The following POLQ variants were observed in gnomAD, a reference collection of about 807,000 sequenced individuals.
POLQ encodes the protein epididymis secretory sperm binding protein.
A neutral mutation model predicts 259.2 loss-of-function variants in POLQ; 233 were observed. The ratio of observed to expected loss-of-function variants is 0.90; its 90% CI spans 0.81 to 1.00. The LOEUF (loss-of-function observed/expected upper bound fraction) is 1.00, where lower values mean the gene tolerates loss of function less well. Ranked by LOEUF, POLQ falls within the 50% of genes least tolerant of loss-of-function variation. The pLI is 0.00. For missense variants in POLQ, 2,871 were observed against 3,051.6 expected, an observed-to-expected ratio of 0.94 and a Z score of 1.39; for synonymous variants, 1,025 against 1,048.8, an observed-to-expected ratio of 0.98 and a Z score of 0.44.
chr3:121,435,763 A>G (rs1463111812), intron 28 of POLQ, among the ~76,000 whole-genome samples: 1 of 152,234 alleles, frequency 6.6e-6, no homozygotes, highest in African/African-American at 2.4e-5. Context: ...GCCAAACATT[A>G]AAGAGATTTA....
intron 27 of POLQ, among the ~76,000 whole-genome samples, chr3:121,438,822 C>G (rs980718542): frequency 2.0e-5 from 3 of 152,142 alleles, no homozygotes; most frequent in Non-Finnish European, 2.9e-5. Context: ...ATGGTAAAAG[C>G]CTGATAAATA....
intron 15 of POLQ, 44 bp from the exon 16 acceptor site, chr3:121,490,452 C>A: frequency 2.1e-6 from 3 of 1,461,292 alleles, no homozygotes; most frequent in Non-Finnish European, 1.9e-6. Flanking sequence ...TTCATTCATT[C>A]GTAAGGCAAG....
intron 23 of POLQ, 64 bp downstream of exon 23, chr3:121,468,241 G>A: frequency 8.1e-7 from 1 of 1,239,062 alleles, no homozygotes; most frequent in Non-Finnish European, 1.1e-6. Flanking sequence ...TGTCTAATAA[G>A]CTATTTTGAG....
At chr3:121,531,866 C>A (rs1237508210) in intron 6 of POLQ, among the ~76,000 whole-genome samples, 1 of 152,168 alleles carries the variant, frequency 6.6e-6, no homozygotes, top group Admixed American at 6.5e-5. Flanking sequence ...AGATTCCATA[C>A]CAAGTATGCA....
chr3:121,454,565 A>G (rs2108780763), intron 25 of POLQ, among the ~76,000 whole-genome samples: 1 of 152,342 alleles, frequency 6.6e-6, no homozygotes, highest in East Asian at 1.9e-4. Context: ...AAAACAAAAA[A>G]AAGCAGGGGT....
intron 14 of POLQ, chr3:121,494,085 G>A (rs1576416554): frequency 5.9e-6 from 4 of 682,328 alleles, no homozygotes; most frequent in South Asian, 4.7e-5. Flanking sequence ...AACATGTAAA[G>A]GTCTCTCTCT....
chr3:121,503,412 C>G (rs373484343), intron 12 of POLQ, among the ~76,000 whole-genome samples: 4 of 152,136 alleles, frequency 2.6e-5, no homozygotes, highest in African/African-American at 9.6e-5. Context: ...TCCCTTCATT[C>G]AAAAAAGAGC....
chr3:121,519,707 T>G (rs2048324638), intron 9 of POLQ, among the ~76,000 whole-genome samples, 164 bp downstream of exon 9: 1 of 147,686 alleles, frequency 6.8e-6, no homozygotes, highest in Non-Finnish European at 1.5e-5. Flanking sequence ...AAATTATAAC[T>G]CATACTCACT....
At chr3:121,459,956 CTG>C (rs1045130311) in intron 25 of POLQ, 92 bp downstream of exon 25, 2 of 914,516 alleles carry the variant, frequency 2.2e-6, no homozygotes, top group African/African-American at 3.3e-5. Flanking sequence ...GTTGGAGAAA[CTG>C]TTTCTCAGCT....
chr3:121,442,697 A>G (rs1033577064), intron 26 of POLQ, among the ~76,000 whole-genome samples: 1 of 152,130 alleles, frequency 6.6e-6, no homozygotes, highest in African/African-American at 2.4e-5. Flanking sequence ...CTGCTGATGG[A>G]CACTGAGGAT....
Position 121,489,411 on chromosome 3 carries a change from G to T in POLQ, c.3520C>A (p.Gln1174Lys), listed in dbSNP as rs374986039. 30 of 1,613,944 alleles carry T rather than the reference G, an allele frequency of 1.9e-5. No individual in the cohort carries two copies. In the African/African-American group the frequency reaches 2.4e-4, roughly 13 times the overall value. ...EAEKINEVLIQNGSKNQNVYM... is the reference protein window; with the variant it reads ...EAEKINEVLIKNGSKNQNVYM... ...ACATTCTGGTTTTTTGAACCATTTTGTATCAGCACTTCATTTATTTTTTCT... is the reference window on the plus strand; with the variant it reads ...ACATTCTGGTTTTTTGAACCATTTTTTATCAGCACTTCATTTATTTTTTCT... Residue 1174 changes from glutamine to lysine, a missense_variant, in exon 16 of 30, where the codon CAA (glutamine) becomes AAA (lysine). By Grantham distance (53) the Gln-to-Lys change is moderately conservative. Around this residue, in one of 3 missense-constraint regions of POLQ, gnomAD observed 2,080 missense variants for 2,126.0 expected, o/e 0.98. Transcript: ENST00000264233.
In POLQ at chr3:121,476,744, A is replaced by G; in HGVS notation, c.6212-11T>C. ...CCTTACGGAAAACATCTGGAAGAAA[A>G]AAGAAAATTAAAACGTTAATTCATT... On this transcript the variant is annotated splice_polypyrimidine_tract_variant and intron_variant, in intron 19 of 29. Transcript: ENST00000264233. 6.3e-7 allele frequency: 1 copy of G among 1,585,780 alleles called. No homozygotes were observed. Among genetic ancestry groups the G allele is most frequent in the Non-Finnish European group, 8.6e-7 (1 of 1,162,422 alleles).
At position 121,537,080 on chromosome 3, in the gene POLQ, C is replaced by G. The variant is rs1305001207; in HGVS notation, c.740+20G>C. 15 of 1,128,154 alleles carry G rather than the reference C, an allele frequency of 1.3e-5. No homozygotes were observed. The highest frequency in any genetic ancestry group is 2.0e-5 in the Non-Finnish European group (15 of 738,674). The allele number at this position is 1,128,154 out of a possible 1,614,324, so 69.9% of individuals were successfully genotyped here. On this transcript the variant is annotated intron_variant, in intron 5 of 29. Transcript: ENST00000264233. ...AACATTGTTTGAAATCTCAGGAACTCAGTTATTTCACGTACTTACCAAGAT... is the reference window on the plus strand; with the variant it reads ...AACATTGTTTGAAATCTCAGGAACTGAGTTATTTCACGTACTTACCAAGAT...
chr3:121,442,197 G>A (rs1008211791), intron 26 of POLQ, among the ~76,000 whole-genome samples: 1 of 152,022 alleles, frequency 6.6e-6, no homozygotes, highest in Non-Finnish European at 1.5e-5. Flanking sequence ...ACATATTTAT[G>A]GGGTACATGA....
chr3:121,464,770 G>A (rs1167631027), intron 24 of POLQ, among the ~76,000 whole-genome samples: 1 of 152,118 alleles, frequency 6.6e-6, no homozygotes, highest in African/African-American at 2.4e-5. Context: ...AGATGTATAT[G>A]AAACATAAAT....
At chr3:121,486,446 C>G (rs1052488363) in intron 16 of POLQ, among the ~76,000 whole-genome samples, 6 of 152,032 alleles carry the variant, frequency 3.9e-5, no homozygotes, top group African/African-American at 1.4e-4. Context: ...CCCAGCTACT[C>G]AGGAGGCTGA....
At chr3:121,446,426 T>C (rs925172028) in intron 26 of POLQ, among the ~76,000 whole-genome samples, 2 of 152,242 alleles carry the variant, frequency 1.3e-5, no homozygotes, top group African/African-American at 4.8e-5. Flanking sequence ...TGAAATGTTC[T>C]GTAAATATCT....
chr3:121,526,339 ATCTATTCCC>A (rs1161325944), intron 7 of POLQ, among the ~76,000 whole-genome samples: 1 of 152,230 alleles, frequency 6.6e-6, no homozygotes, highest in East Asian at 1.9e-4. Flanking sequence ...ACCAGTGTTT[ATCTATTCCC>A]TCTAAGGCTT....
At chr3:121,454,777 A>G (rs770828831) in intron 25 of POLQ, among the ~76,000 whole-genome samples, 1 of 152,184 alleles carries the variant, frequency 6.6e-6, no homozygotes, top group African/African-American at 2.4e-5. Context: ...CCACACAATA[A>G]TAATGGGAGA....
Sources: gnomAD v4.1 joint callset for allele counts (sites outside exome capture counted in the v4.1 genomes callset) on GRCh38, gnomAD v4.1.1 for gene constraint, gnomAD v4.1.1 regional missense constraint, MANE v1.5 for transcripts, NCBI Gene and HGNC (gene_info 2026-07-23, HGNC 2026-07-21) for gene names.